The following AOAH variants were observed in gnomAD, a reference collection of about 807,000 sequenced individuals.
AOAH encodes acyloxyacyl hydrolase.
Under a neutral mutation model 92.2 loss-of-function variants are expected in AOAH, and 64 were observed. That is an observed-to-expected ratio of 0.69 (90% CI 0.57 to 0.86). The LOEUF (loss-of-function observed/expected upper bound fraction) is 0.86, where lower values mean the gene tolerates loss of function less well. Among genes scored for constraint, AOAH ranks in the 40% least tolerant of loss-of-function variants. AOAH has a pLI of 0.00. For missense variants in AOAH, 656 were observed against 694.6 expected, an observed-to-expected ratio of 0.94 and a Z score of 0.62; for synonymous variants, 263 against 254.5, an observed-to-expected ratio of 1.03 and a Z score of -0.32.
intron 13 of AOAH, among the ~76,000 whole-genome samples, chr7:36,575,860 C>A (rs908127422): frequency 2.0e-5 from 3 of 152,132 alleles, no homozygotes; most frequent in Non-Finnish European, 2.9e-5. Flanking sequence ...ATGTGCCAAG[C>A]CTAATTTGTT....
At chr7:36,564,558 C>T (rs1787540652) in intron 13 of AOAH, among the ~76,000 whole-genome samples, 2 of 152,216 alleles carry the variant, frequency 1.3e-5, no homozygotes, top group African/African-American at 4.8e-5. Flanking sequence ...GAAATGACAG[C>T]TCACTCAAGC....
chr7:36,681,705 G>A (rs1796655291), intron 2 of AOAH, among the ~76,000 whole-genome samples: 1 of 152,144 alleles, frequency 6.6e-6, no homozygotes. Flanking sequence ...GGAGGCTGAG[G>A]CAGGAGAATC....
intron 1 of AOAH, among the ~76,000 whole-genome samples, chr7:36,721,440 G>C (rs1799625155): frequency 6.6e-6 from 1 of 152,062 alleles, no homozygotes; most frequent in South Asian, 2.1e-4. Context: ...TTCTAATCCT[G>C]TCTCCCCCAA....
chr7:36,642,787 C>T (rs533069460), intron 4 of AOAH, among the ~76,000 whole-genome samples: 2 of 152,336 alleles, frequency 1.3e-5, no homozygotes, highest in Non-Finnish European at 1.5e-5. Context: ...AGCAAAACAT[C>T]CGTCTTCAAT....
chr7:36,598,381 T>A (rs1360119977), intron 11 of AOAH: 1 of 152,192 alleles, frequency 6.6e-6, no homozygotes, highest in Non-Finnish European at 1.5e-5. Context: ...TGGTTGAATG[T>A]TTTAGACTTC....
rs1179669105 is a variant in AOAH at position 36,686,806 on chromosome 7, G to A, written c.128-12C>T. 9.2e-6 allele frequency: 14 copies of A among 1,519,598 alleles called. No homozygotes were observed. Among genetic ancestry groups the A allele is most frequent in the South Asian group, 3.9e-5 (3 of 77,386 alleles). 94.1% of individuals were successfully genotyped at this position (1,519,598 alleles called of 1,614,324 possible). On this transcript the variant is annotated splice_polypyrimidine_tract_variant and intron_variant, in intron 1 of 20. Coordinates refer to ENST00000617537, the MANE Select transcript of AOAH (RefSeq NM_001637.4). ...CACCAGCACACACCCTGCCAGGGAGGAGAAGAACATGTAATCTGTGTCACA... is the reference window on the plus strand; with the variant it reads ...CACCAGCACACACCCTGCCAGGGAGAAGAAGAACATGTAATCTGTGTCACA...
In AOAH at chr7:36,724,075, G is replaced by A. The variant is rs995221460; in HGVS notation, c.74C>T (p.Pro25Leu). The A allele has an allele frequency of 2.0e-5, 33 of 1,613,800 alleles. 1 individual carries two copies. In the African/African-American group the frequency reaches 2.8e-4, roughly 14 times the overall value. Residue 25 changes from proline (P) to leucine (L), a missense_variant, in exon 1 of 21, where the codon CCA (proline) becomes CTA (leucine). Coordinates refer to ENST00000617537, the MANE Select transcript of AOAH (RefSeq NM_001637.4). ...GGGCCTGGACTGGTCATCGTTGGCT[G>A]GAGAGGCCGAGGACTGAAGAGACAG... is the stretch of plus-strand genomic sequence containing the variant. ...LLLSLQSSAS[P>L]ANDDQSRPSL...
intron 13 of AOAH, among the ~76,000 whole-genome samples, chr7:36,558,427 G>A (rs1786968445): frequency 6.6e-6 from 1 of 152,214 alleles, no homozygotes; most frequent in Non-Finnish European, 1.5e-5. Flanking sequence ...GGCTGCTCGG[G>A]GGTCAGGGGT....
chr7:36,565,015 A>G (rs1050148070), intron 13 of AOAH, among the ~76,000 whole-genome samples: 1 of 152,250 alleles, frequency 6.6e-6, no homozygotes, highest in African/African-American at 2.4e-5. Flanking sequence ...GTGATTTCTA[A>G]ATGAGATATG....
At position 36,572,920 on chromosome 7, in the gene AOAH, A is replaced by C. The variant is rs558097476; in HGVS notation, c.1021+3654T>G. ...AGCCTCTCCCCCAGGAGGATGGGGA[A>C]GATGGCCCATTCAAGGTGGTTTGTT... is the stretch of plus-strand genomic sequence containing the variant. On this transcript the variant is annotated intron_variant, in intron 13 of 20. Coordinates refer to ENST00000617537, the MANE Select transcript of AOAH (RefSeq NM_001637.4). 1.9e-4 allele frequency among the ~76,000 whole-genome samples: 29 copies of C among 152,344 alleles called. No homozygotes were observed. The South Asian group carries it at 6.0e-3, about 32-fold the overall frequency.
In AOAH at chr7:36,614,912, G is replaced by A. The variant is rs966433527; in HGVS notation, c.846+1468C>T. On this transcript the variant is annotated intron_variant, in intron 11 of 20. Coordinates refer to ENST00000617537, the MANE Select transcript of AOAH (RefSeq NM_001637.4). This position sits in a 1 kb window ranked among gnomAD's most constrained non-coding sequence, Gnocchi z 4.2. ...GAAGGAGAGATTCCTGGCTTACCTG[G>A]GGACCCATGGAACACTGGCAGGAGG... is the stretch of plus-strand genomic sequence containing the variant. 1.2e-4 allele frequency among the ~76,000 whole-genome samples: 19 copies of A among 152,282 alleles called. No homozygotes were observed. The highest frequency in any genetic ancestry group is 4.3e-4 in the African/African-American group (18 of 41,552).
chr7:36,616,531 G>T, intron 10 of AOAH, 57 bp from the exon 11 acceptor site: 2 of 1,441,862 alleles, frequency 1.4e-6, no homozygotes, highest in South Asian at 1.2e-5. Context: ...GGAACCTCCA[G>T]ACTGGGTAGA....
At chr7:36,663,799 T>A (rs1223023882) in intron 3 of AOAH, among the ~76,000 whole-genome samples, 1 of 152,220 alleles carries the variant, frequency 6.6e-6, no homozygotes, top group Non-Finnish European at 1.5e-5. Context: ...AAGTTTTCAG[T>A]TCAATTGGGT....
chr7:36,724,107 G>A lies in AOAH; in HGVS notation c.42C>T (p.Phe14=). The change falls in exon 1 of 21, where the codon TTC becomes TTT. Residue 14 remains phenylalanine, a synonymous_variant. Coordinates refer to ENST00000617537, the MANE Select transcript of AOAH (RefSeq NM_001637.4). ...CCGAGGACTGAAGAGACAGGAGCAA[G>A]AATAGAGGCGCCACCGTAAGGATTT... ...PWKILTVAPL[F]LLLSLQSSAS... 6.2e-7 allele frequency: 1 copy of A among 1,613,598 alleles called. No homozygotes were observed. Among genetic ancestry groups the A allele is most frequent in the Non-Finnish European group, 8.5e-7 (1 of 1,179,726 alleles).
At chr7:36,534,945 T>C (rs1289319445) in intron 16 of AOAH, among the ~76,000 whole-genome samples, 3 of 32,056 alleles carry the variant, frequency 9.4e-5, no homozygotes, top group Non-Finnish European at 2.4e-4. Context: ...TGTTTCTGTG[T>C]CTGTGTGTGT....
chr7:36,650,114 C>T (rs1433215883), intron 4 of AOAH, among the ~76,000 whole-genome samples: 12 of 5,986 alleles, frequency 2.0e-3, no homozygotes, highest in Admixed American at 9.7e-3. Context: ...ATCTTGGAAG[C>T]GGCCCACCAC....
chr7:36,664,858 G>A (rs1795445183), intron 3 of AOAH, among the ~76,000 whole-genome samples: 2 of 152,204 alleles, frequency 1.3e-5, no homozygotes, highest in African/African-American at 2.4e-5. Flanking sequence ...AAGGAAAAGG[G>A]TGAGTGGGAA....
chr7:36,599,608 A>AT (rs894881814), intron 11 of AOAH: 1 of 152,238 alleles, frequency 6.6e-6, no homozygotes, highest in African/African-American at 2.4e-5. Flanking sequence ...TGTTTTATCC[A>AT]TTCCCCAGAA....
chr7:36,659,253 A>G lies in AOAH; in HGVS notation c.303T>C (p.Asp101=). The G allele has an allele frequency of 6.2e-7, 1 of 1,614,014 alleles. No homozygotes were observed. Residue 101 remains aspartate (D), a synonymous_variant, in exon 4 of 21, where the codon GAT becomes GAC. Coordinates refer to ENST00000617537, the MANE Select transcript of AOAH (RefSeq NM_001637.4). ...TGTGACATACCACATCAGCATTCAT[A>G]TCTGCGCTAAGCCTGGAGGGAAACG... ...GSDIIKLLSA[D]MNADVVCHTL...
Sources: gnomAD v4.1 joint callset for allele counts (sites outside exome capture counted in the v4.1 genomes callset) on GRCh38, gnomAD v4.1.1 for gene constraint, Gnocchi (gnomAD v3.1) non-coding constraint, MANE v1.5 for transcripts, NCBI Gene and HGNC (gene_info 2026-07-23, HGNC 2026-07-21) for gene names.